PRKCE: variants seen among roughly 807,000 people sequenced by gnomAD.
PRKCE encodes the protein protein kinase C epsilon, also known as protein kinase C epsilon type.
Under a neutral mutation model 85.4 loss-of-function variants are expected in PRKCE, and 16 were observed. That is an observed-to-expected ratio of 0.19 (90% CI 0.13 to 0.28). The LOEUF (loss-of-function observed/expected upper bound fraction) is 0.28. Among genes scored for constraint, PRKCE ranks in the 10% least tolerant of loss-of-function variants. The pLI is 1.00. For synonymous variants in PRKCE, 388 were observed against 371.5 expected (o/e 1.04, Z -0.51); for missense variants, 573 against 975.2 (o/e 0.59, Z 5.49).
intron 2 of PRKCE, among the ~76,000 whole-genome samples, chr2:45,919,168 G>A (rs931777690): frequency 2.0e-5 from 3 of 152,206 alleles, no homozygotes; most frequent in Non-Finnish European, 4.4e-5. Flanking sequence ...TAGGGGTTGT[G>A]GGGTAGACAG....
At chr2:45,775,252 G>A (rs1264470682) in intron 1 of PRKCE, among the ~76,000 whole-genome samples, 1 of 152,128 alleles carries the variant, frequency 6.6e-6, no homozygotes, top group East Asian at 1.9e-4. Flanking sequence ...CCCTCACCAG[G>A]CCATCTCACT....
intron 1 of PRKCE, among the ~76,000 whole-genome samples, chr2:45,777,151 A>G (rs937552763): frequency 2.0e-5 from 3 of 152,212 alleles, no homozygotes; most frequent in African/African-American, 7.2e-5. Context: ...AAGGGAAAGC[A>G]TAGGGTGTTA....
intron 10 of PRKCE, among the ~76,000 whole-genome samples, chr2:46,046,044 A>G (rs1708502844): frequency 6.6e-6 from 1 of 152,218 alleles, no homozygotes; most frequent in African/African-American, 2.4e-5. Context: ...TGAGTCACAG[A>G]CATCCTCAGC....
At chr2:45,940,502 G>C (rs942801812) in intron 2 of PRKCE, among the ~76,000 whole-genome samples, 2 of 152,196 alleles carry the variant, frequency 1.3e-5, no homozygotes, top group East Asian at 3.9e-4. Context: ...GGAGACGTCT[G>C]GCTTAGTAGG....
intron 11 of PRKCE, among the ~76,000 whole-genome samples, chr2:46,128,347 A>T (rs932401271): frequency 6.6e-6 from 1 of 152,228 alleles, no homozygotes; most frequent in African/African-American, 2.4e-5. Context: ...CATGAAGAGC[A>T]ATTGGAGCTA....
chr2:45,718,339 CTTTTT>C (rs10708579), intron 1 of PRKCE, among the ~76,000 whole-genome samples: 3 of 83,342 alleles, frequency 3.6e-5, no homozygotes, highest in Non-Finnish European at 4.4e-5. Flanking sequence ...CAAATGCTTA[CTTTTT>C]TTTTTTTTTT....
intron 2 of PRKCE, among the ~76,000 whole-genome samples, chr2:45,876,102 T>C (rs180680488): frequency 2.0e-5 from 3 of 152,356 alleles, no homozygotes; most frequent in Admixed American, 1.3e-4. Context: ...TGGACATTAC[T>C]GAGTACCTGT....
chr2:45,772,279 A>T (rs931423402), intron 1 of PRKCE, among the ~76,000 whole-genome samples: 1 of 142,654 alleles, frequency 7.0e-6, no homozygotes, highest in African/African-American at 2.6e-5. Flanking sequence ...ATCTCAAAAT[A>T]AAAAAAAAAA....
At chr2:46,169,636 G>T (rs904408821) in intron 14 of PRKCE, among the ~76,000 whole-genome samples, 10 of 152,194 alleles carry the variant, frequency 6.6e-5, no homozygotes, top group Admixed American at 1.3e-4. Flanking sequence ...TATCAACTGA[G>T]ATGACTTCGA....
chr2:45,754,423 G>T (rs1273278112), intron 1 of PRKCE, among the ~76,000 whole-genome samples: 3 of 152,176 alleles, frequency 2.0e-5, no homozygotes, highest in Admixed American at 1.3e-4. Flanking sequence ...GGCTGTGGCT[G>T]TTCTAAAGTG....
chr2:46,128,402 C>A (rs1674083393), intron 11 of PRKCE, among the ~76,000 whole-genome samples: 1 of 152,228 alleles, frequency 6.6e-6, no homozygotes, highest in East Asian at 1.9e-4. Flanking sequence ...GGTATAAACC[C>A]TTTCCATATT....
intron 10 of PRKCE, among the ~76,000 whole-genome samples, chr2:46,027,425 A>C (rs1406936487): frequency 1.3e-5 from 2 of 152,188 alleles, no homozygotes; most frequent in East Asian, 1.9e-4. Context: ...GAGAGGTTGC[A>C]ATTAAAGAGA....
Position 46,007,495 on chromosome 2 carries a change from C to G in PRKCE, c.1097C>G (p.Ala366Gly), listed in dbSNP as rs1364552766. The G allele has an allele frequency of 1.9e-6, 3 of 1,599,790 alleles. No homozygotes were observed. Among genetic ancestry groups the G allele is most frequent in the Admixed American group, 1.7e-5 (1 of 60,032 alleles). ...IKELENNIRK[A>G]LSFDNRGEEH... ...GAACTTGAGAACAACATTCGGAAAG[C>G]CTTGTCATTTGACAACCGAGGAGAG... is the stretch of plus-strand genomic sequence containing the variant. Residue 366 changes from alanine to glycine, a missense_variant, in exon 9 of 15, where the codon GCC (alanine) becomes GGC (glycine). This residue lies in a region of PRKCE where 117 missense variants were observed against 104.8 expected (regional missense o/e 1.12). Transcript: ENST00000306156.
intron 1 of PRKCE, among the ~76,000 whole-genome samples, chr2:45,665,583 C>G (rs1267655373): frequency 3.9e-5 from 6 of 152,188 alleles, no homozygotes; most frequent in Non-Finnish European, 8.8e-5. Flanking sequence ...GCTCCTTTGT[C>G]TTCTTTGCTT....
At chr2:46,120,120 A>G (rs1673166440) in intron 11 of PRKCE, among the ~76,000 whole-genome samples, 1 of 152,200 alleles carries the variant, frequency 6.6e-6, no homozygotes. Context: ...AAAAAATAGA[A>G]TTTGGTTTTT....
chr2:46,021,423 T>C (rs1463620599), intron 10 of PRKCE, among the ~76,000 whole-genome samples: 1 of 152,174 alleles, frequency 6.6e-6, no homozygotes, highest in Non-Finnish European at 1.5e-5. Flanking sequence ...GCTATTTCAA[T>C]AGGCCAGGAG....
At chr2:45,909,938 A>G (rs1697255750) in intron 2 of PRKCE, among the ~76,000 whole-genome samples, 1 of 152,106 alleles carries the variant, frequency 6.6e-6, no homozygotes, top group Admixed American at 6.5e-5. Flanking sequence ...GAGACAGTCT[A>G]CTGCCTTCTC....
intron 1 of PRKCE, among the ~76,000 whole-genome samples, chr2:45,784,778 A>G (rs1327731021): frequency 6.6e-6 from 1 of 152,320 alleles, no homozygotes; most frequent in African/African-American, 2.4e-5. Flanking sequence ...AAATGAACCT[A>G]TGGGGATAGA....
chr2:45,898,604 G>A (rs1450290180), intron 2 of PRKCE, among the ~76,000 whole-genome samples: 3 of 152,202 alleles, frequency 2.0e-5, no homozygotes, highest in African/African-American at 7.2e-5. Flanking sequence ...ATAAACCAGT[G>A]CAATTGAAAG....
Sources: allele counts gnomAD v4.1 joint callset (sites outside exome capture counted in the v4.1 genomes callset), GRCh38; gene constraint gnomAD v4.1.1; regional missense constraint gnomAD v4.1.1; transcripts MANE v1.5; gene names NCBI Gene and HGNC (gene_info 2026-07-23, HGNC 2026-07-21).